MROH9: variants seen among roughly 807,000 people sequenced by gnomAD.
MROH9 encodes maestro heat like repeat family member 9, also known as maestro heat-like repeat-containing protein family member 9.
MROH9 carries 92 observed loss-of-function variants against 98.2 expected under a neutral mutation model. The observed-to-expected ratio is 0.94, with a 90% CI of 0.79 to 1.11. The LOEUF (loss-of-function observed/expected upper bound fraction) is 1.11, where lower values mean the gene tolerates loss of function less well. MROH9 is among the 50% of genes most tolerant of loss of function. The pLI is 0.00. For synonymous variants in MROH9, 397 were observed against 368.9 expected (o/e 1.08, Z -0.87); for missense variants, 1,057 against 1,014.8 (o/e 1.04, Z -0.57).
intron 20 of MROH9, 122 bp downstream of exon 20, chr1:171,025,542 G>A: frequency 3.1e-6 from 2 of 635,042 alleles, no homozygotes; most frequent in East Asian, 2.8e-5. Context: ...CACCTGTGAT[G>A]GTGATGAATA....
intron 10 of MROH9, among the ~76,000 whole-genome samples, chr1:170,986,964 C>T (rs141515930): frequency 6.6e-6 from 1 of 152,170 alleles, no homozygotes; most frequent in Non-Finnish European, 1.5e-5. Flanking sequence ...AATCCTCCCA[C>T]CTCAGCCTCC....
At chr1:170,962,139 T>A (rs1394386951) in intron 6 of MROH9, among the ~76,000 whole-genome samples, 163 bp downstream of exon 6, 1 of 152,166 alleles carries the variant, frequency 6.6e-6, no homozygotes, top group Non-Finnish European at 1.5e-5. Flanking sequence ...TCCCTTTATT[T>A]GAATTACAGG....
At chr1:171,023,328 C>T (rs1015222691) in intron 17 of MROH9, among the ~76,000 whole-genome samples, 8 of 152,144 alleles carry the variant, frequency 5.3e-5, no homozygotes, top group Non-Finnish European at 1.5e-5. Context: ...GCATAAGTAG[C>T]CTTTGAAAAC....
At chr1:171,052,783 C>T (rs1653711292) in intron 20 of MROH9, among the ~76,000 whole-genome samples, 1 of 152,158 alleles carries the variant, frequency 6.6e-6, no homozygotes. Context: ...AAGATCTCTG[C>T]ACAGAAAGCA....
At chr1:170,954,037 G>A (rs1649668204) in intron 3 of MROH9, among the ~76,000 whole-genome samples, 1 of 151,996 alleles carries the variant, frequency 6.6e-6, no homozygotes, top group Admixed American at 6.6e-5. Context: ...CGTTATGACT[G>A]ATGAAAACAT....
At chr1:171,056,881 T>TG (rs1653854810) in intron 20 of MROH9, among the ~76,000 whole-genome samples, 1 of 152,108 alleles carries the variant, frequency 6.6e-6, no homozygotes, top group Non-Finnish European at 1.5e-5. Flanking sequence ...AAAAGGGACC[T>TG]GACCATTGAA....
At chr1:171,063,618 A>T (rs1262332452) in intron 21 of MROH9, among the ~76,000 whole-genome samples, 1 of 152,208 alleles carries the variant, frequency 6.6e-6, no homozygotes, top group Non-Finnish European at 1.5e-5. Context: ...ACTGCTTTTT[A>T]ACTTTTTCAC....
chr1:171,040,459 C>T (rs964934981), intron 20 of MROH9, among the ~76,000 whole-genome samples: 4 of 152,164 alleles, frequency 2.6e-5, no homozygotes, highest in Admixed American at 2.0e-4. Flanking sequence ...ATGATAGATA[C>T]GTTAACTTGC....
chr1:170,947,460 A>G (rs1649374941), intron 2 of MROH9, 67 bp from the exon 3 acceptor site: 2 of 1,350,174 alleles, frequency 1.5e-6, no homozygotes, highest in Non-Finnish European at 2.1e-6. Flanking sequence ...TTTGGAAATA[A>G]GGCCCCACTA....
At chr1:170,980,832 A>C (rs373501767) in intron 8 of MROH9, among the ~76,000 whole-genome samples, 1 of 152,228 alleles carries the variant, frequency 6.6e-6, no homozygotes, top group Non-Finnish European at 1.5e-5. Context: ...GTGAATAAGC[A>C]ACCTACAGAA....
chr1:171,027,587 G>A (rs914299018), intron 20 of MROH9, among the ~76,000 whole-genome samples: 4 of 152,148 alleles, frequency 2.6e-5, no homozygotes, highest in African/African-American at 9.7e-5. Context: ...GGATTGCTGG[G>A]TTAAATGGTA....
At chr1:171,063,445 G>A (rs1654072170) in intron 21 of MROH9, among the ~76,000 whole-genome samples, 1 of 151,830 alleles carries the variant, frequency 6.6e-6, no homozygotes, top group Non-Finnish European at 1.5e-5. Context: ...GTAGAGATGA[G>A]GTTTCACCGT....
Position 171,006,963 on chromosome 1 carries a change from C to A in MROH9, c.1597-7154C>A, listed in dbSNP as rs961224298. Among the ~76,000 whole-genome samples, 4 of 152,076 alleles carry A rather than the reference C, an allele frequency of 2.6e-5. No individual in the cohort carries two copies. The East Asian group carries it at 7.7e-4, about 29-fold the overall frequency. ...CCTCTTTGTCAGGCAGTTTGTAGAT[C>A]TCCATTTTTTGTGGTCAACTACTGG... On this transcript the variant is annotated intron_variant, in intron 15 of 21. Coordinates refer to ENST00000367759, the MANE Select transcript of MROH9 (RefSeq NM_001163629.2).
intron 20 of MROH9, among the ~76,000 whole-genome samples, chr1:171,032,344 G>T (rs1471518300): frequency 6.6e-6 from 1 of 151,914 alleles, no homozygotes; most frequent in African/African-American, 2.4e-5. Flanking sequence ...GCAATTATTT[G>T]GAGAAGAGGC....
chr1:171,056,007 G>C (rs1653827749), intron 20 of MROH9, among the ~76,000 whole-genome samples: 1 of 152,156 alleles, frequency 6.6e-6, no homozygotes, highest in Admixed American at 6.5e-5. Flanking sequence ...GAAACCCACA[G>C]ATTGAAAGAT....
intron 20 of MROH9, among the ~76,000 whole-genome samples, chr1:171,046,320 C>T (rs1181461531): frequency 1.3e-5 from 2 of 152,206 alleles, no homozygotes; most frequent in East Asian, 1.9e-4. Context: ...TTAGAACTTA[C>T]TCCTGTCATT....
In MROH9 at chr1:171,064,627, T is replaced by C; in HGVS notation, c.*287T>C. 3.8e-6 allele frequency: 1 copy of C among 263,952 alleles called. No homozygotes were observed. The highest frequency in any genetic ancestry group is 7.0e-5 in the South Asian group (1 of 14,228). 16.4% of individuals were successfully genotyped at this position (263,952 alleles called of 1,614,324 possible). ...AAAATAACATAAGCAAAGTGTTTGA[T>C]GAGAAGCTCTGGGAACTTGATTCAG... On this transcript the variant is annotated 3_prime_UTR_variant, in exon 22 of 22. Transcript: ENST00000367759.
At chr1:170,939,379 C>G (rs896078637) in intron 1 of MROH9, among the ~76,000 whole-genome samples, 1 of 152,198 alleles carries the variant, frequency 6.6e-6, no homozygotes, top group Non-Finnish European at 1.5e-5. Flanking sequence ...GGGAGTATTT[C>G]TCTTGGCCAT....
intron 20 of MROH9, among the ~76,000 whole-genome samples, chr1:171,035,744 G>T (rs1653080204): frequency 6.6e-6 from 1 of 152,154 alleles, no homozygotes; most frequent in African/African-American, 2.4e-5. Flanking sequence ...CCAACATAAA[G>T]TGTAGAATAA....
Sources: allele counts gnomAD v4.1 joint callset (sites outside exome capture counted in the v4.1 genomes callset), GRCh38; gene constraint gnomAD v4.1.1; transcripts MANE v1.5; gene names NCBI Gene and HGNC (gene_info 2026-07-23, HGNC 2026-07-21).